The following SHPK variants were observed in gnomAD, a reference collection of about 807,000 sequenced individuals.
The protein encoded by SHPK is sedoheptulokinase.
In SHPK, 51 loss-of-function variants were observed where a neutral mutation model predicts 46.3. The observed-to-expected ratio is 1.10, with a 90% CI of 0.88 to 1.39. SHPK has a LOEUF of 1.39. Ranked by LOEUF, SHPK falls within the 40% of genes most tolerant of loss-of-function variation. SHPK has a pLI of 0.00. For synonymous variants in SHPK, 290 were observed against 273.9 expected, an observed-to-expected ratio of 1.06 and a Z score of -0.58; for missense variants, 668 against 641.3, an observed-to-expected ratio of 1.04 and a Z score of -0.45.
intron 5 of SHPK, among the ~76,000 whole-genome samples, chr17:3,620,562 G>A (rs34821831): frequency 0.018 from 2,559 of 143,950 alleles, 34 homozygotes; most frequent in Non-Finnish European, 0.025. Context: ...CACTGCGCCC[G>A]GCCGTTTTGT....
intron 5 of SHPK, among the ~76,000 whole-genome samples, chr17:3,618,464 C>T (rs1237400741): frequency 2.0e-5 from 3 of 152,086 alleles, no homozygotes; most frequent in African/African-American, 7.2e-5. Flanking sequence ...CCTTTTTTAG[C>T]TATGTGTATA....
At position 3,610,781 on chromosome 17, in the gene SHPK, T is replaced by C. The variant is rs753366844; in HGVS notation, c.1216A>G (p.Ile406Val). 2 of 1,613,964 alleles carry C rather than the reference T, an allele frequency of 1.2e-6. No homozygotes were observed. Among genetic ancestry groups the C allele is most frequent in the Admixed American group, 1.7e-5 (1 of 59,996 alleles). Residue 406 changes from isoleucine (I) to valine (V), a missense_variant, in exon 7 of 7, where the codon ATT becomes GTT. Ile to Val is a conservative substitution (Grantham distance 29). Coordinates refer to ENST00000225519, the MANE Select transcript of SHPK (RefSeq NM_013276.4). ...AGCATGGAGTGCAGGTTCTGAACAA[T>C]GCCTCGGCACAGAGCCCGGGTCACG... is the stretch of plus-strand genomic sequence containing the variant. The part of the protein sequence containing the change: ...GHVTRALCRG[I>V]VQNLHSMLPI...
chr17:3,633,295 A>G (rs372717551), intron 1 of SHPK, among the ~76,000 whole-genome samples: 11 of 151,714 alleles, frequency 7.3e-5, no homozygotes, highest in East Asian at 3.9e-4. Flanking sequence ...ATATGACTAT[A>G]GATCACTGGT....
At position 3,634,983 on chromosome 17, in the gene SHPK, C is replaced by T. The variant is rs146518407; in HGVS notation, c.168+1069G>A. On this transcript the variant is annotated intron_variant, in intron 1 of 6. Coordinates refer to ENST00000225519, the MANE Select transcript of SHPK (RefSeq NM_013276.4). The stretch of plus-strand genomic sequence containing the variant: ...GGTCAGGAGTTCAAGACCAGTCTGG[C>T]GAACATGGCGAAACCCTGTCTCTAC... Among the ~76,000 whole-genome samples the T allele has an allele frequency of 7.2e-3, 1,094 of 151,762 alleles. 6 individuals are homozygous for T. Among genetic ancestry groups the T allele is most frequent in the African/African-American group, 0.025 (1,028 of 41,390 alleles).
intron 6 of SHPK, among the ~76,000 whole-genome samples, chr17:3,614,010 G>C (rs554835280): frequency 1.3e-5 from 2 of 152,204 alleles, no homozygotes; most frequent in Non-Finnish European, 2.9e-5. Context: ...GAGTGCCTGC[G>C]TCCTCAGCTC....
intron 1 of SHPK, among the ~76,000 whole-genome samples, chr17:3,634,622 A>ACT (rs2075496114): frequency 6.7e-6 from 1 of 149,770 alleles, no homozygotes; most frequent in Admixed American, 6.7e-5. Flanking sequence ...AGAAACTGGC[A>ACT]CTTTCTGAGC....
intron 1 of SHPK, among the ~76,000 whole-genome samples, chr17:3,633,122 G>A (rs2150876338): frequency 6.6e-6 from 1 of 151,764 alleles, no homozygotes; most frequent in South Asian, 2.1e-4. Context: ...GGGATTACAA[G>A]CACGCATCAC....
intron 1 of SHPK, among the ~76,000 whole-genome samples, chr17:3,632,971 C>CTTTT (rs34873037): frequency 3.7e-5 from 3 of 81,724 alleles, no homozygotes; most frequent in Admixed American, 1.6e-4. Context: ...GCAGATATTA[C>CTTTT]TTTTTTTTTT....
rs1355465806 is a variant in SHPK at position 3,632,654 on chromosome 17, C to A, written c.169-2308G>T. Among the ~76,000 whole-genome samples, 4 of 152,244 alleles carry A rather than the reference C, an allele frequency of 2.6e-5. 1 individual carries two copies. The highest frequency in any genetic ancestry group is 5.9e-5 in the Non-Finnish European group (4 of 68,018). The stretch of plus-strand genomic sequence containing the variant: ...GTGTAACAGGAATAGACATTGCCCC[C>A]ACTCCTTGGCTCAGAATATCAGTTG... On this transcript the variant is annotated intron_variant, in intron 1 of 6. Coordinates refer to ENST00000225519, the MANE Select transcript of SHPK (RefSeq NM_013276.4).
At chr17:3,611,295 G>A (rs1410008226) in intron 6 of SHPK, among the ~76,000 whole-genome samples, 4 of 152,218 alleles carry the variant, frequency 2.6e-5, no homozygotes, top group Admixed American at 1.3e-4. Flanking sequence ...TTGGCTGGGC[G>A]TGGTGGCTCA....
chr17:3,614,673 C>G (rs950852768), intron 6 of SHPK, among the ~76,000 whole-genome samples: 1 of 152,070 alleles, frequency 6.6e-6, no homozygotes, highest in South Asian at 2.1e-4. Context: ...CATGGCAAAA[C>G]CCCATCTCTA....
At position 3,610,866 on chromosome 17, in the gene SHPK, G is replaced by A. The variant is rs149784648; in HGVS notation, c.1131C>T (p.His377=). The change falls in exon 7 of 7, where the codon CAC becomes CAT. Residue 377 remains histidine (H), a synonymous_variant. Coordinates refer to ENST00000225519, the MANE Select transcript of SHPK (RefSeq NM_013276.4). ...TCACTGAGGCCAGCTGGTCCGGCAG[G>A]TGCCTCTCCCCCAGCACTGTCGGGG... is the stretch of plus-strand genomic sequence containing the variant. The part of the protein sequence containing the change: ...TITPTVLGER[H]LPDQLASVTR... 4 of 1,614,056 alleles carry A rather than the reference G, an allele frequency of 2.5e-6. No individual in the cohort carries two copies. Among genetic ancestry groups the A allele is most frequent in the Non-Finnish European group, 3.4e-6 (4 of 1,180,022 alleles).
chr17:3,630,283 G>C lies in SHPK; in HGVS notation c.232C>G (p.Arg78Gly). The change falls in exon 2 of 7, where the codon CGA becomes GGA. Residue 78 changes from arginine (R) to glycine (G), a missense_variant. Arg to Gly is a moderately radical substitution (Grantham distance 125). Coordinates refer to ENST00000225519, the MANE Select transcript of SHPK (RefSeq NM_013276.4). ...CCCACGACGCTCCGGAGCTGGGGTC[G>C]GGGAAGGGCAGCAAGGCACTCGTGT... ...ALHECLAALP[R>G]PQLRSVVGIG... is the part of the protein sequence containing the mutation. The C allele has an allele frequency of 6.2e-7, 1 of 1,613,698 alleles. No individual in the cohort carries two copies. Among genetic ancestry groups the C allele is most frequent in the Non-Finnish European group, 8.5e-7 (1 of 1,180,010 alleles).
In SHPK at chr17:3,615,527, G is replaced by A; in HGVS notation, c.834C>T (p.Ile278=). 6.2e-7 allele frequency: 1 copy of A among 1,614,148 alleles called. No individual in the cohort carries two copies. Among genetic ancestry groups the A allele is most frequent in the Non-Finnish European group, 8.5e-7 (1 of 1,179,984 alleles). Residue 278 remains isoleucine, a synonymous_variant, in exon 6 of 7, where the codon ATC becomes ATT. Coordinates refer to ENST00000225519, the MANE Select transcript of SHPK (RefSeq NM_013276.4). ...MAQRTDAVLN[I]STSVQLAASM... is the part of the protein sequence containing the mutation. ...AGGCTGCCAGCTGAACCGAGGTGCT[G>A]ATGTTGAGAACTGGGGTCCGAAGAG...
chr17:3,611,020 T>C lies in SHPK; in HGVS notation c.1025-48A>G, dbSNP rs2075336672. 5 of 1,521,940 alleles carry C rather than the reference T, an allele frequency of 3.3e-6. No individual in the cohort carries two copies. The Admixed American group carries it at 7.3e-5, about 22-fold the overall frequency. 94.3% of individuals were successfully genotyped at this position (1,521,940 alleles called of 1,614,324 possible). A position where few individuals can be genotyped will look rare whatever the true frequency, so the allele number is the denominator to read the frequency against. ...GTGTAAGCTCATGCGTCCCCCTCAG[T>C]GCAGGCTGACATGGCAGAGAATTCC... On this transcript the variant is annotated intron_variant, in intron 6 of 6. Transcript: ENST00000225519.
chr17:3,631,547 G>C (rs1350070307), intron 1 of SHPK, among the ~76,000 whole-genome samples: 1 of 75,852 alleles, frequency 1.3e-5, no homozygotes, highest in Non-Finnish European at 2.0e-5. Flanking sequence ...TTTAGCGATA[G>C]AGTCTCTCTC....
chr17:3,622,538 CT>C, intron 4 of SHPK: 1 of 975,300 alleles, frequency 1.0e-6, no homozygotes, highest in Non-Finnish European at 1.2e-6. Flanking sequence ...CTGGAAAGTC[CT>C]TTACCTGAAC....
chr17:3,629,114 C>T (rs1242755538), intron 2 of SHPK, among the ~76,000 whole-genome samples: 1 of 152,162 alleles, frequency 6.6e-6, no homozygotes. Flanking sequence ...TTAAAAGCTC[C>T]TCGGACAGAC....
At chr17:3,625,909 C>T (rs989988399) in intron 2 of SHPK, among the ~76,000 whole-genome samples, 6 of 152,016 alleles carry the variant, frequency 3.9e-5, no homozygotes, top group Admixed American at 6.6e-5. Context: ...AAAAATTAGC[C>T]AGGTGTGGTA....
Sources: allele counts gnomAD v4.1 joint callset (sites outside exome capture counted in the v4.1 genomes callset), GRCh38; gene constraint gnomAD v4.1.1; transcripts MANE v1.5; gene names NCBI Gene and HGNC (gene_info 2026-07-23, HGNC 2026-07-21).